The following ATP9B variants were observed in gnomAD, a reference collection of about 807,000 sequenced individuals.
The protein encoded by ATP9B is probable phospholipid-transporting ATPase IIB.
ATP9B carries 110 observed loss-of-function variants against 146.1 expected under a neutral mutation model. The ratio of observed to expected loss-of-function variants is 0.75; its 90% CI spans 0.65 to 0.88. The LOEUF (loss-of-function observed/expected upper bound fraction) is 0.88. Among genes scored for constraint, ATP9B ranks in the 40% least tolerant of loss-of-function variants. The pLI is 0.00. For missense variants in ATP9B, 1,499 were observed against 1,496.4 expected (o/e 1.00, Z -0.03); for synonymous variants, 604 against 569.7 (o/e 1.06, Z -0.86).
rs377539032 is a variant in ATP9B, at chr18:79,329,178, C to T, written c.1811C>T (p.Thr604Met). The T allele has an allele frequency of 6.8e-6, 11 of 1,610,266 alleles. No individual in the cohort carries two copies. The Admixed American group carries it at 8.4e-5, about 12-fold the overall frequency. ...CAGTGGACAGAGAGTGTGGGCCTCA[C>T]GCTGGTCAGCAGGGACCTCACCTCC... is the stretch of plus-strand genomic sequence containing the variant. ...LVQWTESVGL[T>M]LVSRDLTSMQ... is the part of the protein sequence containing the mutation. Residue 604 changes from threonine to methionine, a missense_variant, in exon 16 of 30, where the codon ACG becomes ATG. Physicochemically the swap from Thr to Met is moderately conservative, Grantham distance 81 (BLOSUM62 -1). Coordinates refer to ENST00000426216, the MANE Select transcript of ATP9B (RefSeq NM_198531.5).
At chr18:79,100,163 TGA>T (rs1261951941) in intron 2 of ATP9B, among the ~76,000 whole-genome samples, 3 of 152,156 alleles carry the variant, frequency 2.0e-5, no homozygotes, top group African/African-American at 7.2e-5. Context: ...TGTAATGTGT[TGA>T]GACTCGCTTT....
At position 79,168,082 on chromosome 18, in the gene ATP9B, C is replaced by T. The variant is rs144986831; in HGVS notation, c.779-8731C>T. Among the ~76,000 whole-genome samples the T allele has an allele frequency of 4.8e-3, 726 of 152,312 alleles. 5 individuals carry two copies. The highest frequency in any genetic ancestry group is 0.024 in the South Asian group (117 of 4,820). ...CTGCCAGCTCCATGGAGCATGCAGC[C>T]CTAGGCACACCTCCCTCATTGCAGT... On this transcript the variant is annotated intron_variant, in intron 7 of 29. Transcript: ENST00000426216.
chr18:79,153,181 G>T (rs1172869545), intron 6 of ATP9B, among the ~76,000 whole-genome samples: 1 of 152,030 alleles, frequency 6.6e-6, no homozygotes, highest in Non-Finnish European at 1.5e-5. Flanking sequence ...TTTACCATGG[G>T]TAGATAAGTC....
At chr18:79,279,751 A>G (rs182529373) in intron 13 of ATP9B, among the ~76,000 whole-genome samples, 9 of 152,380 alleles carry the variant, frequency 5.9e-5, no homozygotes, top group African/African-American at 2.2e-4. Flanking sequence ...ACATAGGCGT[A>G]CTGTCTTCTT....
chr18:79,288,537 C>T (rs2096467693), intron 13 of ATP9B, among the ~76,000 whole-genome samples: 2 of 151,954 alleles, frequency 1.3e-5, no homozygotes, highest in African/African-American at 4.8e-5. Context: ...TTCCTGAATA[C>T]AGCACACTGA....
chr18:79,355,657 G>A (rs974233526), intron 25 of ATP9B, among the ~76,000 whole-genome samples: 12 of 151,142 alleles, frequency 7.9e-5, no homozygotes, highest in South Asian at 2.1e-4. Context: ...CCGCTGTACC[G>A]TTTGTGCCGT....
At chr18:79,344,196 G>C in intron 20 of ATP9B, 69 bp from the exon 21 acceptor site, 1 of 1,357,112 alleles carries the variant, frequency 7.4e-7, no homozygotes. Flanking sequence ...TGCAAATAAT[G>C]CCCTGTTTCT....
intron 2 of ATP9B, among the ~76,000 whole-genome samples, chr18:79,102,132 G>T (rs769856042): frequency 2.6e-5 from 4 of 151,904 alleles, no homozygotes; most frequent in Admixed American, 6.6e-5. Context: ...GTGTATTTTG[G>T]TAGAGACAAA....
intron 6 of ATP9B, among the ~76,000 whole-genome samples, chr18:79,150,118 T>C (rs1171040577): frequency 6.6e-6 from 1 of 151,824 alleles, no homozygotes; most frequent in Non-Finnish European, 1.5e-5. Context: ...TGAGCAGGAA[T>C]TCAACATCAT....
chr18:79,110,536 G>T (rs201132582), intron 3 of ATP9B, 31 bp downstream of exon 3: 1 of 1,578,748 alleles, frequency 6.3e-7, no homozygotes, highest in East Asian at 2.3e-5. Flanking sequence ...GAGATGGGTT[G>T]TGTGTCAGAG....
At chr18:79,078,643 C>T (rs774398806) in intron 1 of ATP9B, among the ~76,000 whole-genome samples, 1 of 150,968 alleles carries the variant, frequency 6.6e-6, no homozygotes, top group Non-Finnish European at 1.5e-5. Context: ...CAAGTTACCC[C>T]ACTTAAAGTG....
At chr18:79,195,990 G>A (rs1029472230) in intron 9 of ATP9B, among the ~76,000 whole-genome samples, 10 of 152,172 alleles carry the variant, frequency 6.6e-5, no homozygotes, top group African/African-American at 1.2e-4. Context: ...CAGCATGCAC[G>A]TGAGAAAACT....
chr18:79,174,440 C>T (rs758078740), intron 7 of ATP9B, among the ~76,000 whole-genome samples: 5 of 152,188 alleles, frequency 3.3e-5, no homozygotes, highest in Non-Finnish European at 5.9e-5. Flanking sequence ...CTTAGATTAA[C>T]GCTTGGTGAG....
rs1047705314 is a variant in ATP9B at position 79,173,432 on chromosome 18, G to T, written c.779-3381G>T. Among the ~76,000 whole-genome samples the T allele has an allele frequency of 1.8e-4, 25 of 140,394 alleles. No individual in the cohort carries two copies. In the East Asian group the frequency reaches 2.1e-3, roughly 12 times the overall value. The allele number at this position is 140,394 out of a possible 152,430, so 92.1% of individuals were successfully genotyped here. A position where few individuals can be genotyped will look rare whatever the true frequency, so the allele number is the denominator to read the frequency against. On this transcript the variant is annotated intron_variant, in intron 7 of 29. Coordinates refer to ENST00000426216, the MANE Select transcript of ATP9B (RefSeq NM_198531.5). ...GCCCTGAGGATTTCTTCTTGTGGTG[G>T]TTTTTTTTTTTTGTCCTAAAAGTTT...
chr18:79,279,738 A>T (rs1284017391), intron 13 of ATP9B, among the ~76,000 whole-genome samples: 1 of 152,206 alleles, frequency 6.6e-6, no homozygotes, highest in Admixed American at 6.5e-5. Flanking sequence ...TTAAGACCGA[A>T]ATACATAGGC....
chr18:79,099,008 G>A (rs2075047510), intron 2 of ATP9B, among the ~76,000 whole-genome samples: 1 of 152,116 alleles, frequency 6.6e-6, no homozygotes, highest in Admixed American at 6.5e-5. Flanking sequence ...TTCTCAGGGT[G>A]TTTGATTCCT....
intron 26 of ATP9B, among the ~76,000 whole-genome samples, chr18:79,369,878 C>A (rs892722042): frequency 2.0e-5 from 3 of 152,338 alleles, no homozygotes; most frequent in Admixed American, 2.0e-4. Context: ...GCAGACAGAT[C>A]ACCTGAGGTC....
intron 5 of ATP9B, among the ~76,000 whole-genome samples, chr18:79,131,816 A>T (rs2094382492): frequency 6.6e-6 from 1 of 152,232 alleles, no homozygotes. Context: ...TACAACCTGG[A>T]TGAACCTCAA....
At chr18:79,135,549 T>G (rs1467895090) in intron 5 of ATP9B, among the ~76,000 whole-genome samples, 1 of 152,192 alleles carries the variant, frequency 6.6e-6, no homozygotes, top group East Asian at 1.9e-4. Context: ...TCTTTCCGGC[T>G]CATTCTCTTT....
Sources: gnomAD v4.1 joint callset for allele counts (sites outside exome capture counted in the v4.1 genomes callset) on GRCh38, gnomAD v4.1.1 for gene constraint, MANE v1.5 for transcripts, NCBI Gene and HGNC (gene_info 2026-07-23, HGNC 2026-07-21) for gene names.